PCDH15: variants seen among roughly 807,000 people sequenced by gnomAD.
PCDH15 encodes the protein protocadherin related 15.
Under a neutral mutation model 178.5 loss-of-function variants are expected in PCDH15, and 129 were observed. That is an observed-to-expected ratio of 0.72 (90% CI 0.63 to 0.84). The LOEUF is 0.84. Among genes scored for constraint, PCDH15 ranks in the 40% least tolerant of loss-of-function variants. The pLI, the probability that PCDH15 is intolerant of heterozygous loss-of-function variation, is 0.00. For synonymous variants in PCDH15, 800 were observed against 732.0 expected (o/e 1.09, Z -1.50); for missense variants, 2,230 against 2,099.9 (o/e 1.06, Z -1.21).
intron 2 of PCDH15, among the ~76,000 whole-genome samples, chr10:55,485,064 C>A (rs572804097): frequency 6.6e-6 from 1 of 151,338 alleles, no homozygotes; most frequent in Non-Finnish European, 1.5e-5. Flanking sequence ...AAGCCTCTGC[C>A]CAGCAAAGGA....
At chr10:55,575,311 A>G (rs964287323) in intron 2 of PCDH15, among the ~76,000 whole-genome samples, 31 of 152,234 alleles carry the variant, frequency 2.0e-4, no homozygotes, top group Admixed American at 2.0e-3. Flanking sequence ...AATCAGAGGT[A>G]AAAAAAGACA....
chr10:54,812,347 T>G (rs1198835158), intron 3 of PCDH15, among the ~76,000 whole-genome samples: 1 of 151,714 alleles, frequency 6.6e-6, no homozygotes, highest in Non-Finnish European at 1.5e-5. Context: ...CTCGGCTCAT[T>G]GCAACCTCTG....
At position 54,044,109 on chromosome 10, in the gene PCDH15, A is replaced by G. The variant is rs73235736; in HGVS notation, c.2221-20912T>C. Among the ~76,000 whole-genome samples the G allele has an allele frequency of 4.6e-3, 697 of 152,220 alleles. 6 individuals are homozygous for G. The highest frequency in any genetic ancestry group is 0.02 in the Middle Eastern group (6 of 294). On this transcript the variant is annotated intron_variant, in intron 18 of 37. Coordinates refer to ENST00000644397, the MANE Select transcript of PCDH15 (RefSeq NM_001384140.1). ...GCACCAGGAGGACATGACTGAGGAT[A>G]GATCTTGATTATGTTGGAAGGGGTT...
intron 1 of PCDH15, among the ~76,000 whole-genome samples, chr10:55,245,367 A>G (rs1841657025): frequency 6.6e-6 from 1 of 152,050 alleles, no homozygotes; most frequent in Non-Finnish European, 1.5e-5. Flanking sequence ...AAATAACTCA[A>G]AAAAACAGAA....
chr10:54,573,458 C>T (rs974493854), intron 2 of PCDH15, among the ~76,000 whole-genome samples: 3 of 152,082 alleles, frequency 2.0e-5, no homozygotes, highest in Non-Finnish European at 4.4e-5. Flanking sequence ...ATGAAACCAG[C>T]ATTGATATTT....
Position 54,840,405 on chromosome 10 carries a change from T to C in PCDH15, c.-29+57045A>G, listed in dbSNP as rs373020812. On this transcript the variant is annotated intron_variant, in intron 3 of 5. Transcript: ENST00000458638. ...ATACCTATAACTATAAAATATTTTATATAAGGTTTGTTGTAACCACAAAGA... is the reference window on the plus strand; with the variant it reads ...ATACCTATAACTATAAAATATTTTACATAAGGTTTGTTGTAACCACAAAGA... Among the ~76,000 whole-genome samples, 5 of 151,866 alleles carry C rather than the reference T, an allele frequency of 3.3e-5. No homozygotes were observed. The East Asian group carries it at 9.6e-4, about 29-fold the overall frequency.
At chr10:55,292,092 A>G (rs929474954) in intron 1 of PCDH15, among the ~76,000 whole-genome samples, 1 of 152,082 alleles carries the variant, frequency 6.6e-6, no homozygotes, top group Non-Finnish European at 1.5e-5. Flanking sequence ...CACATTTCAA[A>G]ACCAATCATG....
At chr10:54,766,440 G>T (rs1385904400) in intron 1 of PCDH15, among the ~76,000 whole-genome samples, 1 of 151,832 alleles carries the variant, frequency 6.6e-6, no homozygotes, top group Admixed American at 6.6e-5. Context: ...ACCATTTAAA[G>T]CTTATTATTA....
At chr10:55,385,065 G>T (rs976912731) in intron 2 of PCDH15, among the ~76,000 whole-genome samples, 2 of 152,268 alleles carry the variant, frequency 1.3e-5, no homozygotes, top group East Asian at 3.9e-4. Flanking sequence ...TGCCTTTAAT[G>T]TAGAAAATTC....
intron 2 of PCDH15, among the ~76,000 whole-genome samples, chr10:54,999,878 GC>G (rs1315815828): frequency 3.3e-5 from 5 of 152,192 alleles, no homozygotes; most frequent in Non-Finnish European, 7.3e-5. Context: ...GTTCCGTGTT[GC>G]CCCCTGAGCT....
At chr10:53,826,035 C>T (rs2076656312) in intron 32 of PCDH15, among the ~76,000 whole-genome samples, 2 of 151,640 alleles carry the variant, frequency 1.3e-5, no homozygotes, top group African/African-American at 4.8e-5. Context: ...CAACTTTACA[C>T]ATAATCCTTT....
intron 20 of PCDH15, among the ~76,000 whole-genome samples, chr10:54,001,771 T>C (rs1414887185): frequency 1.3e-5 from 2 of 151,658 alleles, no homozygotes; most frequent in Non-Finnish European, 2.9e-5. Context: ...TCAAATGACA[T>C]AGAGTGGATG....
intron 2 of PCDH15, among the ~76,000 whole-genome samples, chr10:54,616,359 A>G (rs1251775572): frequency 6.6e-6 from 1 of 152,126 alleles, no homozygotes; most frequent in East Asian, 1.9e-4. Context: ...CATATTCCTA[A>G]TCAGATGAGG....
At chr10:55,052,535 TACA>T (rs1564750617) in intron 2 of PCDH15, among the ~76,000 whole-genome samples, 1 of 28 alleles carries the variant, frequency 0.036, no homozygotes, top group Non-Finnish European at 0.1. Context: ...CCCCGTCTCA[TACA>T]AAAAAAAAAA....
chr10:54,367,197 A>T (rs1035174879), intron 5 of PCDH15, among the ~76,000 whole-genome samples: 1 of 152,086 alleles, frequency 6.6e-6, no homozygotes, highest in Non-Finnish European at 1.5e-5. Flanking sequence ...GAACAGGATA[A>T]GGCATTATCA....
chr10:54,785,930 C>G (rs190306511), intron 1 of PCDH15, among the ~76,000 whole-genome samples: 2 of 151,878 alleles, frequency 1.3e-5, no homozygotes, highest in Non-Finnish European at 2.9e-5. Flanking sequence ...TTAAAGGTTT[C>G]CTTTCTAATA....
At chr10:55,069,034 A>G (rs1374813330) in intron 2 of PCDH15, among the ~76,000 whole-genome samples, 6 of 149,402 alleles carry the variant, frequency 4.0e-5, no homozygotes, top group African/African-American at 1.5e-4. Flanking sequence ...AGTAGCTGGG[A>G]TTACAGGTAT....
intron 6 of PCDH15, among the ~76,000 whole-genome samples, chr10:54,344,647 G>T (rs1033680709): frequency 1.3e-5 from 2 of 151,764 alleles, no homozygotes; most frequent in Non-Finnish European, 2.9e-5. Flanking sequence ...TGGCGCACAC[G>T]TACAATTAAT....
intron 29 of PCDH15, among the ~76,000 whole-genome samples, chr10:53,837,966 A>C (rs1174566384): frequency 1.3e-5 from 2 of 149,048 alleles, no homozygotes; most frequent in East Asian, 4.1e-4. Flanking sequence ...TTATTTATTT[A>C]TTTATTTATT....
Sources: allele counts gnomAD v4.1 joint callset (sites outside exome capture counted in the v4.1 genomes callset), GRCh38; gene constraint gnomAD v4.1.1; transcripts MANE v1.5; gene names NCBI Gene and HGNC (gene_info 2026-07-23, HGNC 2026-07-21).